The following PTPRF variants were observed in gnomAD, a reference collection of about 807,000 sequenced individuals.
The protein encoded by PTPRF is protein tyrosine phosphatase receptor type F, also known as receptor-type tyrosine-protein phosphatase F.
A neutral mutation model predicts 201.8 loss-of-function variants in PTPRF; 59 were observed. That is an observed-to-expected ratio of 0.29 (90% confidence interval 0.24 to 0.36). PTPRF has a LOEUF of 0.36. PTPRF is among the 10% of genes least tolerant of loss of function. The probability of loss-of-function intolerance (pLI) is 1.00; values close to 1 mark genes in which losing one functional copy is unlikely to be tolerated. For missense variants in PTPRF, 2,132 were observed against 2,690.5 expected (o/e 0.79, Z 4.59); for synonymous variants, 1,088 against 1,089.7 (o/e 1.00, Z 0.03).
At chr1:43,566,308 C>T (rs1252003228) in intron 5 of PTPRF, among the ~76,000 whole-genome samples, 1 of 152,234 alleles carries the variant, frequency 6.6e-6, no homozygotes, top group Non-Finnish European at 1.5e-5. Context: ...TGCCCATGTA[C>T]CTCATAAGGG....
chr1:43,574,278 G>C (rs1230256571), intron 6 of PTPRF, among the ~76,000 whole-genome samples: 1 of 152,016 alleles, frequency 6.6e-6, no homozygotes, highest in Non-Finnish European at 1.5e-5. Context: ...TTACAGGGGT[G>C]AGCCACCGTG....
rs34880349 is a variant in PTPRF, at chr1:43,533,372, A to G, written c.-126+2282A>G. 7.6e-3 allele frequency among the ~76,000 whole-genome samples: 1,162 copies of G among 152,040 alleles called. 8 individuals carry two copies. Among genetic ancestry groups the G allele is most frequent in the Non-Finnish European group, 0.011 (773 of 68,028 alleles). On this transcript the variant is annotated intron_variant, in intron 1 of 33. Transcript: ENST00000359947. Reference sequence around the variant, plus strand: ...AACGGAAACTAGCTACACATCTTTTACTGGGAAGTGTATGGATACGCAGCA... The same window carrying G: ...AACGGAAACTAGCTACACATCTTTTGCTGGGAAGTGTATGGATACGCAGCA...
chr1:43,578,244 C>T (rs953806813), intron 6 of PTPRF, among the ~76,000 whole-genome samples: 7 of 150,774 alleles, frequency 4.6e-5, no homozygotes, highest in South Asian at 2.1e-4. Flanking sequence ...GTGGGGCTGG[C>T]GGGGAGGGGG....
intron 6 of PTPRF, among the ~76,000 whole-genome samples, chr1:43,576,274 G>A (rs1204121761): frequency 6.6e-6 from 1 of 152,266 alleles, no homozygotes; most frequent in Non-Finnish European, 1.5e-5. Context: ...AGACAGAAGA[G>A]CTTCCCTTGA....
At chr1:43,540,805 T>G (rs1644315744) in intron 2 of PTPRF, among the ~76,000 whole-genome samples, 1 of 152,168 alleles carries the variant, frequency 6.6e-6, no homozygotes, top group South Asian at 2.1e-4. Context: ...CTCACCCTCT[T>G]CCCCACAGGC....
chr1:43,527,920 G>T (rs1018380009), upstream of PTPRF, among the ~76,000 whole-genome samples: 3 of 152,228 alleles, frequency 2.0e-5, no homozygotes, highest in Non-Finnish European at 4.4e-5. Context: ...GGTTCCTTGA[G>T]CACAGATAGG....
In PTPRF at chr1:43,535,625, C is replaced by T. The variant is rs56241404; in HGVS notation, c.-125-2573C>T. 5.6e-3 allele frequency among the ~76,000 whole-genome samples: 852 copies of T among 152,252 alleles called. 5 individuals carry two copies. Among genetic ancestry groups the T allele is most frequent in the Non-Finnish European group, 9.1e-3 (619 of 67,996 alleles). ...CATCGACTTGCTCCTGACCCACTGC[C>T]GGGCCAGGTTTCAGGCCTGGCAGAT... On this transcript the variant is annotated intron_variant, in intron 1 of 33. Transcript: ENST00000359947.
chr1:43,534,798 T>C (rs950407212), intron 1 of PTPRF, among the ~76,000 whole-genome samples: 2 of 152,100 alleles, frequency 1.3e-5, no homozygotes, highest in Non-Finnish European at 2.9e-5. Flanking sequence ...CCTCCGACAG[T>C]GGTGAAGAGC....
chr1:43,596,804 G>A (rs565545520), intron 11 of PTPRF, among the ~76,000 whole-genome samples: 12 of 152,342 alleles, frequency 7.9e-5, no homozygotes, highest in Non-Finnish European at 1.5e-4. Context: ...GTGTGTATGT[G>A]ATATCGTGTA....
At chr1:43,596,087 C>A (rs2154019460) in intron 11 of PTPRF, among the ~76,000 whole-genome samples, 1 of 152,172 alleles carries the variant, frequency 6.6e-6, no homozygotes, top group South Asian at 2.1e-4. Flanking sequence ...AGGCGAGGGA[C>A]CTTGCGATAT....
rs565508350 is a variant in PTPRF at position 43,603,201 on chromosome 1, G to A, written c.2341-215G>A. Among the ~76,000 whole-genome samples, 2 of 152,266 alleles carry A rather than the reference G, an allele frequency of 1.3e-5. No individual in the cohort carries two copies. The highest frequency in any genetic ancestry group is 2.1e-4 in the South Asian group (1 of 4,826). On this transcript the variant is annotated intron_variant, in intron 14 of 33. Coordinates refer to ENST00000359947, the MANE Select transcript of PTPRF (RefSeq NM_002840.5). The surrounding 1 kb of genome is among the most constrained non-coding windows in gnomAD (Gnocchi z 5.8). The stretch of plus-strand genomic sequence containing the variant: ...GAATAATGAGCTGTCTGCCCCAGGC[G>A]TGCGGCTCCTGGGATGGGCGGGGTC...
At chr1:43,594,977 G>T (rs1226306722) in intron 11 of PTPRF, among the ~76,000 whole-genome samples, 1 of 152,170 alleles carries the variant, frequency 6.6e-6, no homozygotes, top group Non-Finnish European at 1.5e-5. Flanking sequence ...AGATGCTGCT[G>T]AGCGGTCAGG....
Position 43,546,673 on chromosome 1 carries a change from G to A in PTPRF, c.91+1507G>A, listed in dbSNP as rs79293636. Among the ~76,000 whole-genome samples the A allele has an allele frequency of 5.7e-3, 863 of 152,146 alleles. 10 individuals are homozygous for A. Among genetic ancestry groups the A allele is most frequent in the Non-Finnish European group, 6.9e-3 (467 of 67,988 alleles). On this transcript the variant is annotated intron_variant, in intron 3 of 33. Transcript: ENST00000359947. This position sits in a 1 kb window ranked among gnomAD's most constrained non-coding sequence, Gnocchi z 4.2. ...CAACAGATAACACATCCTGGGAGAA[G>A]AGCTGCCCTCCTCCTCCTGCCTCAG...
chr1:43,622,056 C>G lies in PTPRF; in HGVS notation c.*53C>G. ...CCGCCGTGGGGCTCCGGAGGGGACCCAGCTCCTCTGAGCCATACCGACCAT... is the reference window on the plus strand; with the variant it reads ...CCGCCGTGGGGCTCCGGAGGGGACCGAGCTCCTCTGAGCCATACCGACCAT... On this transcript the variant is annotated 3_prime_UTR_variant, in exon 34 of 34. Transcript: ENST00000359947. 1.3e-6 allele frequency: 2 copies of G among 1,570,376 alleles called. No homozygotes were observed. The highest frequency in any genetic ancestry group is 2.2e-5 in the East Asian group (1 of 44,714).
Position 43,553,414 on chromosome 1 carries a change from C to A in PTPRF, c.92-78C>A, listed in dbSNP as rs1045271937. 8 of 1,476,198 alleles carry A rather than the reference C, an allele frequency of 5.4e-6. No homozygotes were observed. Among genetic ancestry groups the A allele is most frequent in the Middle Eastern group, 1.8e-4 (1 of 5,664 alleles). 91.4% of individuals were successfully genotyped at this position (1,476,198 alleles called of 1,614,324 possible). ...TTCTTTGTAGGTCTTTCTCTCTGCC[C>A]CCATGACTGCCACCTTCCTCACTGG... On this transcript the variant is annotated intron_variant, in intron 3 of 33. Coordinates refer to ENST00000359947, the MANE Select transcript of PTPRF (RefSeq NM_002840.5). The surrounding 1 kb of genome is among the most constrained non-coding windows in gnomAD (Gnocchi z 4.1).
intron 5 of PTPRF, among the ~76,000 whole-genome samples, chr1:43,565,032 G>A (rs1570010221): frequency 6.6e-6 from 1 of 151,996 alleles, no homozygotes; most frequent in Non-Finnish European, 1.5e-5. Context: ...CACCAGACTC[G>A]CCTTGGTACT....
chr1:43,619,248 TG>T (rs1658607443), intron 27 of PTPRF, 39 bp from the exon 28 acceptor site: 1 of 1,102,230 alleles, frequency 9.1e-7, no homozygotes, highest in African/African-American at 1.6e-5. Flanking sequence ...GGGTGGGAGG[TG>T]GGGGCGCCTG....
At chr1:43,608,366 C>T (rs1398238199) in intron 21 of PTPRF, among the ~76,000 whole-genome samples, 1 of 152,190 alleles carries the variant, frequency 6.6e-6, no homozygotes, top group Non-Finnish European at 1.5e-5. Context: ...CTTCACACAC[C>T]TCCCCCTCTA....
rs1658178220 is a variant in PTPRF at position 43,617,584 on chromosome 1, G to A, written c.4195+16G>A. The A allele has an allele frequency of 6.2e-7, 1 of 1,613,472 alleles. No individual in the cohort carries two copies. Among genetic ancestry groups the A allele is most frequent in the Non-Finnish European group, 8.5e-7 (1 of 1,179,886 alleles). ...TCTATCGATGGTGAGCCAAGGGGGT[G>A]CCCCTCCCATCCCCTTGCTCTCCCC... On this transcript the variant is annotated intron_variant, in intron 24 of 33. Transcript: ENST00000359947.
Sources: allele counts gnomAD v4.1 joint callset (sites outside exome capture counted in the v4.1 genomes callset), GRCh38; gene constraint gnomAD v4.1.1; non-coding constraint Gnocchi (gnomAD v3.1); transcripts MANE v1.5; gene names NCBI Gene and HGNC (gene_info 2026-07-23, HGNC 2026-07-21).